The following SF3B6 variants were observed in gnomAD, a reference collection of about 807,000 sequenced individuals.
SF3B6 encodes the protein SF3b 14 kDa subunit.
SF3B6 carries 3 observed loss-of-function variants against 15.9 expected under a neutral mutation model. The observed-to-expected ratio is 0.19, with a 90% CI of 0.09 to 0.49. The LOEUF (loss-of-function observed/expected upper bound fraction) is 0.49. Ranked by LOEUF, SF3B6 falls within the 20% of genes least tolerant of loss-of-function variation. The pLI, the probability that SF3B6 is intolerant of heterozygous loss-of-function variation, is 0.97. For missense variants in SF3B6, 71 were observed against 154.3 expected (o/e 0.46, Z 2.86); for synonymous variants, 49 against 51.1 (o/e 0.96, Z 0.18).
intron 2 of SF3B6, among the ~76,000 whole-genome samples, chr2:24,073,257 A>T (rs1410531574): frequency 6.6e-6 from 1 of 152,164 alleles, no homozygotes; most frequent in Non-Finnish European, 1.5e-5. Flanking sequence ...TAAAATAATA[A>T]TTTTTTTAAA....
At chr2:24,076,056 C>T in intron 1 of SF3B6, 144 bp downstream of exon 1, 1 of 1,056,312 alleles carries the variant, frequency 9.5e-7, no homozygotes, top group Non-Finnish European at 1.5e-6. Flanking sequence ...GAGGATGGGG[C>T]CGGATAGTGT....
chr2:24,070,523 T>C (rs1270860470), intron 2 of SF3B6, among the ~76,000 whole-genome samples: 1 of 152,244 alleles, frequency 6.6e-6, no homozygotes, highest in Non-Finnish European at 1.5e-5. Context: ...CATCAGGCTC[T>C]ATCACGTGCC....
At chr2:24,068,813 G>T (rs374095130) in intron 2 of SF3B6, among the ~76,000 whole-genome samples, 5 of 152,218 alleles carry the variant, frequency 3.3e-5, no homozygotes, top group African/African-American at 1.2e-4. Flanking sequence ...ACCCTGACTG[G>T]CTCTACGTTG....
chr2:24,067,984 A>G, intron 3 of SF3B6, 133 bp from the exon 4 acceptor site: 1 of 781,666 alleles, frequency 1.3e-6, no homozygotes, highest in South Asian at 1.6e-5. Flanking sequence ...AATTCTCTTG[A>G]GACGGAGTCT....
intron 2 of SF3B6, among the ~76,000 whole-genome samples, chr2:24,070,878 T>C (rs1337468582): frequency 6.6e-6 from 1 of 152,232 alleles, no homozygotes; most frequent in African/African-American, 2.4e-5. Flanking sequence ...TAGACTATGT[T>C]CTTTCTGCGA....
At position 24,067,806 on chromosome 2, in the gene SF3B6, G is replaced by C; in HGVS notation, c.334C>G (p.Leu112Val). The C allele has an allele frequency of 6.2e-7, 1 of 1,614,102 alleles. No homozygotes were observed. Among genetic ancestry groups the C allele is most frequent in the South Asian group, 1.1e-5 (1 of 91,076 alleles). ...TTGATGCCATATTTCTCCTTGAGAA[G>C]CTTCAACTGTTCCTCCTTCTTCTTT... ...DTKKKEEQLK[L>V]LKEKYGINTD... The change falls in exon 4 of 4, where the codon CTT (leucine) becomes GTT (valine). Residue 112 changes from leucine to valine, a missense_variant. Physicochemically the swap from Leu to Val is conservative, Grantham distance 32. Around this residue, in one of 3 missense-constraint regions of SF3B6, gnomAD observed 52 missense variants for 113.2 expected, o/e 0.46. Transcript: ENST00000233468.
intron 2 of SF3B6, among the ~76,000 whole-genome samples, chr2:24,069,394 G>A (rs1664614650): frequency 6.6e-6 from 1 of 152,224 alleles, no homozygotes; most frequent in Non-Finnish European, 1.5e-5. Context: ...CTCTGGGAGA[G>A]GTAGAGAAGT....
chr2:24,076,137 C>A (rs1664742615), intron 1 of SF3B6, 63 bp downstream of exon 1: 3 of 1,604,650 alleles, frequency 1.9e-6, no homozygotes, highest in African/African-American at 2.7e-5. Flanking sequence ...ATGCTCCGAT[C>A]CACGCCGCTA....
At chr2:24,074,989 C>T (rs1335840273) in intron 1 of SF3B6, among the ~76,000 whole-genome samples, 1 of 152,074 alleles carries the variant, frequency 6.6e-6, no homozygotes, top group Non-Finnish European at 1.5e-5. Flanking sequence ...ATTAGCCGGG[C>T]ATGGTGGTGG....
At chr2:24,073,795 T>C in intron 2 of SF3B6, 1 of 231,776 alleles carries the variant, frequency 4.3e-6, no homozygotes. Flanking sequence ...TTCTTTCCCT[T>C]CTCAACCAGT....
Position 24,074,211 on chromosome 2 carries a change from G to A in SF3B6, c.31-17C>T, listed in dbSNP as rs899796018. On this transcript the variant is annotated splice_polypyrimidine_tract_variant and intron_variant, in intron 1 of 3. Coordinates refer to ENST00000233468, the MANE Select transcript of SF3B6 (RefSeq NM_016047.4). ...AAGTCGAATCTAAAATGAGAAATAC[G>A]TATTGTTATTATAATTAGGGGCATT... 2.0e-5 allele frequency: 27 copies of A among 1,345,840 alleles called. No homozygotes were observed. Among genetic ancestry groups the A allele is most frequent in the South Asian group, 7.4e-5 (6 of 81,426 alleles). 83.4% of individuals were successfully genotyped at this position (1,345,840 alleles called of 1,614,324 possible). A position where few individuals can be genotyped will look rare whatever the true frequency, so the allele number is the denominator to read the frequency against.
Position 24,067,778 on chromosome 2 carries a change from G to C in SF3B6, c.362C>G (p.Thr121Arg). 6.2e-7 allele frequency: 1 copy of C among 1,613,760 alleles called. No homozygotes were observed. Among genetic ancestry groups the C allele is most frequent in the Non-Finnish European group, 8.5e-7 (1 of 1,179,744 alleles). ...KLLKEKYGIN[T>R]DPPK ...AGAAAACATTTATTTTGGTGGATCT[G>C]TGTTGATGCCATATTTCTCCTTGAG... Residue 121 changes from threonine (T) to arginine (R), a missense_variant, in exon 4 of 4, where the codon ACA (threonine) becomes AGA (arginine). This residue lies in a region of SF3B6 where 52 missense variants were observed against 113.2 expected (regional missense o/e 0.46). Coordinates refer to ENST00000233468, the MANE Select transcript of SF3B6 (RefSeq NM_016047.4).
intron 2 of SF3B6, 61 bp downstream of exon 2, chr2:24,074,015 C>T (rs1664694922): frequency 2.7e-6 from 3 of 1,095,996 alleles, no homozygotes; most frequent in South Asian, 2.5e-5. Flanking sequence ...TCATCGTCAG[C>T]TATAATTCTG....
In SF3B6 at chr2:24,068,335, A is replaced by C; in HGVS notation, c.274T>G (p.Tyr92Asp). The C allele has an allele frequency of 6.2e-7, 1 of 1,613,172 alleles. No homozygotes were observed. Among genetic ancestry groups the C allele is most frequent in the Non-Finnish European group, 8.5e-7 (1 of 1,179,618 alleles). ...GCTATACTTACCCTGTTGGCATTAT[A>C]GTACAAAACCACAAGGTATCTGTTA... ...VCNRYLVVLYYNANRAFQKMD... is the reference protein window; with the variant it reads ...VCNRYLVVLYDNANRAFQKMD... The change falls in exon 3 of 4, where the codon TAT becomes GAT. Residue 92 changes from tyrosine (Y) to aspartate (D), a missense_variant. Tyr to Asp is a radical substitution (Grantham distance 160). Coordinates refer to ENST00000233468, the MANE Select transcript of SF3B6 (RefSeq NM_016047.4).
chr2:24,073,930 A>C (rs1664693246), intron 2 of SF3B6, 146 bp downstream of exon 2: 1 of 605,778 alleles, frequency 1.7e-6, no homozygotes, highest in East Asian at 3.0e-5. Flanking sequence ...AAAAGATCTC[A>C]TCTCTCTGAT....
intron 2 of SF3B6, 110 bp downstream of exon 2, chr2:24,073,966 T>G: frequency 1.4e-6 from 1 of 715,862 alleles, no homozygotes; most frequent in Admixed American, 2.5e-5. Context: ...TCAAGGCTCT[T>G]GGTAAGGGTT....
chr2:24,071,348 T>C (rs898236529), intron 2 of SF3B6, among the ~76,000 whole-genome samples: 2 of 152,278 alleles, frequency 1.3e-5, no homozygotes, highest in East Asian at 3.9e-4. Context: ...CTCATGCTTG[T>C]AATCCCAGCA....
intron 3 of SF3B6, 95 bp from the exon 4 acceptor site, chr2:24,067,946 A>G (rs552447454): frequency 2.0e-6 from 2 of 986,816 alleles, no homozygotes; most frequent in African/African-American, 3.2e-5. Context: ...CATAGTAGAC[A>G]TATATCATCA....
At position 24,068,461 on chromosome 2, in the gene SF3B6, TG is replaced by T; in HGVS notation, c.150-3del. ...CCTCTAGTTTCAGGTGTGTTCCCCC[TG>T]GAGAGGTAAGTTAAACTTAATTAAG... is the stretch of plus-strand genomic sequence containing the variant. On this transcript the variant is annotated splice_region_variant and splice_polypyrimidine_tract_variant and intron_variant, in intron 2 of 3. Coordinates refer to ENST00000233468, the MANE Select transcript of SF3B6 (RefSeq NM_016047.4). The T allele has an allele frequency of 6.2e-7, 1 of 1,605,654 alleles. No individual in the cohort carries two copies. Among genetic ancestry groups the T allele is most frequent in the Non-Finnish European group, 8.5e-7 (1 of 1,176,680 alleles).
Sources: allele counts gnomAD v4.1 joint callset (sites outside exome capture counted in the v4.1 genomes callset), GRCh38; gene constraint gnomAD v4.1.1; regional missense constraint gnomAD v4.1.1; transcripts MANE v1.5; gene names NCBI Gene and HGNC (gene_info 2026-07-23, HGNC 2026-07-21).